Variants in TRAPPC9 observed in about 807,000 individuals in gnomAD.
The protein encoded by TRAPPC9 is IKK2 binding protein.
Under a neutral mutation model 124.0 loss-of-function variants are expected in TRAPPC9, and 83 were observed. That is an observed-to-expected ratio of 0.67 (90% CI 0.56 to 0.80). The LOEUF (loss-of-function observed/expected upper bound fraction) is 0.80. Ranked by LOEUF, TRAPPC9 falls within the 30% of genes least tolerant of loss-of-function variation. The probability of loss-of-function intolerance (pLI) is 0.00; values close to 1 mark genes in which losing one functional copy is unlikely to be tolerated. For missense variants in TRAPPC9, 1,302 were observed against 1,508.3 expected, an observed-to-expected ratio of 0.86 and a Z score of 2.27; for synonymous variants, 638 against 617.5, an observed-to-expected ratio of 1.03 and a Z score of -0.49.
At chr8:140,124,214 C>T (rs1053519976) in intron 17 of TRAPPC9, among the ~76,000 whole-genome samples, 3 of 152,254 alleles carry the variant, frequency 2.0e-5, no homozygotes, top group Admixed American at 6.5e-5. Context: ...AGCCTGCACA[C>T]CAGCATGTCT....
At chr8:140,342,069 C>T (rs1419180213) in intron 9 of TRAPPC9, among the ~76,000 whole-genome samples, 1 of 152,180 alleles carries the variant, frequency 6.6e-6, no homozygotes, top group Non-Finnish European at 1.5e-5. Flanking sequence ...GGATGAGTTG[C>T]CATATTCCGG....
intron 17 of TRAPPC9, among the ~76,000 whole-genome samples, chr8:140,070,036 C>T (rs142534039): frequency 2.6e-4 from 39 of 152,310 alleles, no homozygotes; most frequent in African/African-American, 8.7e-4. Flanking sequence ...CCCACACTGA[C>T]GGTGGATCTT....
At chr8:139,841,586 C>A (rs1382542073) in intron 21 of TRAPPC9, among the ~76,000 whole-genome samples, 1 of 152,238 alleles carries the variant, frequency 6.6e-6, no homozygotes, top group Non-Finnish European at 1.5e-5. Context: ...CAGGGCAAGG[C>A]TGGCCAGGTA....
intron 18 of TRAPPC9, among the ~76,000 whole-genome samples, chr8:139,989,726 C>T (rs1173616766): frequency 6.6e-6 from 1 of 152,180 alleles, no homozygotes; most frequent in Admixed American, 6.5e-5. Context: ...GTGGCCGTGG[C>T]AGCCCTGCAC....
At chr8:140,059,840 T>C (rs1842494562) in intron 17 of TRAPPC9, among the ~76,000 whole-genome samples, 1 of 152,224 alleles carries the variant, frequency 6.6e-6, no homozygotes, top group Admixed American at 6.5e-5. Flanking sequence ...CTCTAAATGT[T>C]TGATGTTGTC....
At chr8:139,875,796 G>A (rs941285177) in intron 21 of TRAPPC9, among the ~76,000 whole-genome samples, 5 of 152,242 alleles carry the variant, frequency 3.3e-5, no homozygotes, top group African/African-American at 1.2e-4. Flanking sequence ...CTGCCCCAGT[G>A]GGCGGAGGCT....
At chr8:140,201,261 C>CT (rs1420557486) in intron 17 of TRAPPC9, among the ~76,000 whole-genome samples, 1 of 152,154 alleles carries the variant, frequency 6.6e-6, no homozygotes, top group Non-Finnish European at 1.5e-5. Context: ...TTCCTCTAAG[C>CT]TGAGGTATAG....
intron 5 of TRAPPC9, among the ~76,000 whole-genome samples, chr8:140,406,105 C>G (rs966540069): frequency 6.6e-6 from 1 of 152,102 alleles, no homozygotes; most frequent in African/African-American, 2.4e-5. Flanking sequence ...ATTTTCTGAA[C>G]CACACGGCAT....
chr8:140,180,145 T>C (rs766913607), intron 17 of TRAPPC9, among the ~76,000 whole-genome samples: 1 of 151,754 alleles, frequency 6.6e-6, no homozygotes, highest in Non-Finnish European at 1.5e-5. Flanking sequence ...TCCTTTTCTC[T>C]TCTTTTCCTC....
At chr8:139,847,510 G>A (rs982516386) in intron 21 of TRAPPC9, among the ~76,000 whole-genome samples, 2 of 152,024 alleles carry the variant, frequency 1.3e-5, no homozygotes, top group African/African-American at 2.4e-5. Flanking sequence ...GGATGGGCAC[G>A]AGCACCTGCC....
intron 2 of TRAPPC9, 93 bp downstream of exon 2, chr8:140,450,696 AC>A (rs1425750106): frequency 7.1e-6 from 7 of 990,622 alleles, no homozygotes; most frequent in Non-Finnish European, 9.4e-6. Flanking sequence ...AATGGACAAC[AC>A]CTTTCTACTC....
At chr8:139,989,787 C>T (rs1837507234) in intron 18 of TRAPPC9, among the ~76,000 whole-genome samples, 1 of 152,202 alleles carries the variant, frequency 6.6e-6, no homozygotes, top group South Asian at 2.1e-4. Context: ...TGGAAAAGTC[C>T]AGCCCCAAAC....
chr8:140,124,640 G>A (rs1563779124), intron 17 of TRAPPC9, among the ~76,000 whole-genome samples: 1 of 152,150 alleles, frequency 6.6e-6, no homozygotes, highest in Admixed American at 6.5e-5. Context: ...ACCCAAGCCT[G>A]ACACCACGCA....
At chr8:139,874,944 C>A (rs1412474381) in intron 21 of TRAPPC9, among the ~76,000 whole-genome samples, 1 of 152,228 alleles carries the variant, frequency 6.6e-6, no homozygotes, top group Non-Finnish European at 1.5e-5. Flanking sequence ...CGGTTTCTTC[C>A]AAAAGCAGAC....
In TRAPPC9 at chr8:140,431,230, G is replaced by A. The variant is rs889747214; in HGVS notation, c.859+3882C>T. Among the ~76,000 whole-genome samples, 10 of 152,056 alleles carry A rather than the reference G, an allele frequency of 6.6e-5. No homozygotes were observed. The South Asian group carries it at 8.3e-4, about 13-fold the overall frequency. On this transcript the variant is annotated intron_variant, in intron 4 of 22. Transcript: ENST00000438773. ...CCAGCACTTTGGGAGGCCAAGGCAGGCGGATCACCTGAGGTCAGGAGTTCA... is the reference window on the plus strand; with the variant it reads ...CCAGCACTTTGGGAGGCCAAGGCAGACGGATCACCTGAGGTCAGGAGTTCA...
At position 140,371,138 on chromosome 8, in the gene TRAPPC9, C is replaced by T. The variant is rs145782440; in HGVS notation, c.1177G>A (p.Glu393Lys). The change falls in exon 8 of 23, where the codon GAG (glutamate) becomes AAG (lysine). Residue 393 changes from glutamate (E) to lysine (K), a missense_variant. Coordinates refer to ENST00000438773, the MANE Select transcript of TRAPPC9 (RefSeq NM_001160372.4). ...EKIQRYSILS[E>K]LYELIGFHRK... ...TGGAAGCCGATCAGCTCATAGAGCTCGGAGAGGATGCTGTAGCGCTGAATT... is the reference window on the plus strand; with the variant it reads ...TGGAAGCCGATCAGCTCATAGAGCTTGGAGAGGATGCTGTAGCGCTGAATT... 9.1e-5 allele frequency: 147 copies of T among 1,614,028 alleles called. No homozygotes were observed. The highest frequency in any genetic ancestry group is 4.9e-4 in the Middle Eastern group (3 of 6,062).
At chr8:139,932,488 C>A (rs145370390) in intron 19 of TRAPPC9, 1 of 457,020 alleles carries the variant, frequency 2.2e-6, no homozygotes, top group Non-Finnish European at 4.4e-6. Flanking sequence ...AGACACTGGG[C>A]GCGGTGGCTC....
At chr8:139,965,107 C>G (rs914181007) in intron 19 of TRAPPC9, among the ~76,000 whole-genome samples, 16 of 127,218 alleles carry the variant, frequency 1.3e-4, no homozygotes, top group Non-Finnish European at 2.6e-4. Context: ...AGCAGGGGGT[C>G]TCTGGGGGAC....
intron 21 of TRAPPC9, among the ~76,000 whole-genome samples, chr8:139,768,920 T>C (rs541914490): frequency 2.0e-4 from 30 of 152,204 alleles, no homozygotes; most frequent in African/African-American, 7.2e-4. Context: ...GGTGTCATTA[T>C]AAGAGGAGAT....
Sources: allele counts gnomAD v4.1 joint callset (sites outside exome capture counted in the v4.1 genomes callset), GRCh38; gene constraint gnomAD v4.1.1; transcripts MANE v1.5; gene names NCBI Gene and HGNC (gene_info 2026-07-23, HGNC 2026-07-21).